Variants in LRRTM4 observed in about 807,000 individuals in gnomAD.
LRRTM4 encodes the protein leucine rich repeat transmembrane neuronal 4.
In LRRTM4, 25 loss-of-function variants were observed where a neutral mutation model predicts 47.6. That is an observed-to-expected ratio of 0.53 (90% CI 0.38 to 0.73). LRRTM4 has a LOEUF of 0.73. LRRTM4 is among the 30% of genes least tolerant of loss of function. The probability of loss-of-function intolerance (pLI) is 0.00; values close to 1 mark genes in which losing one functional copy is unlikely to be tolerated. For missense variants in LRRTM4, 638 were observed against 713.4 expected, an observed-to-expected ratio of 0.89 and a Z score of 1.20; for synonymous variants, 311 against 269.5, an observed-to-expected ratio of 1.15 and a Z score of -1.51.
chr2:76,966,041 A>G (rs1307691750), intron 3 of LRRTM4, among the ~76,000 whole-genome samples: 1 of 151,492 alleles, frequency 6.6e-6, no homozygotes, highest in Non-Finnish European at 1.5e-5. Flanking sequence ...AATCGTTCCT[A>G]TCATATGACA....
intron 3 of LRRTM4, among the ~76,000 whole-genome samples, chr2:76,892,435 C>A (rs1573266758): frequency 6.6e-6 from 1 of 151,660 alleles, no homozygotes; most frequent in East Asian, 1.9e-4. Context: ...GTTTTATATG[C>A]TTTCCATGTA....
chr2:77,051,910 C>T (rs896617902), intron 3 of LRRTM4, among the ~76,000 whole-genome samples: 1 of 152,134 alleles, frequency 6.6e-6, no homozygotes, highest in Non-Finnish European at 1.5e-5. Flanking sequence ...TACTATGCTA[C>T]TATCTTCAGA....
chr2:76,776,133 A>G (rs1673976314), intron 3 of LRRTM4, among the ~76,000 whole-genome samples: 2 of 152,192 alleles, frequency 1.3e-5, no homozygotes, highest in Admixed American at 1.3e-4. Flanking sequence ...TATATGTCCC[A>G]CATTTTCTTA....
intron 3 of LRRTM4, among the ~76,000 whole-genome samples, chr2:77,289,930 A>G (rs1240852624): frequency 1.3e-5 from 2 of 152,010 alleles, no homozygotes; most frequent in Non-Finnish European, 2.9e-5. Flanking sequence ...GGGAAAAATC[A>G]GGAAAAACAA....
intron 3 of LRRTM4, among the ~76,000 whole-genome samples, chr2:76,808,666 C>G (rs977904274): frequency 1.3e-5 from 2 of 152,152 alleles, no homozygotes; most frequent in African/African-American, 4.8e-5. Flanking sequence ...ATTCTGAAGT[C>G]CACTTCCAAA....
intron 3 of LRRTM4, among the ~76,000 whole-genome samples, chr2:77,238,662 C>T (rs1675176398): frequency 6.6e-6 from 1 of 151,842 alleles, no homozygotes; most frequent in African/African-American, 2.4e-5. Context: ...TATTCAAACT[C>T]CTTAAAACCA....
intron 3 of LRRTM4, among the ~76,000 whole-genome samples, chr2:76,860,884 G>A (rs1573223737): frequency 6.6e-6 from 1 of 150,924 alleles, no homozygotes; most frequent in African/African-American, 2.5e-5. Context: ...AAAATATATT[G>A]TAAAATTAAA....
chr2:77,321,283 A>T (rs1395310448), intron 3 of LRRTM4, among the ~76,000 whole-genome samples: 1 of 152,068 alleles, frequency 6.6e-6, no homozygotes, highest in African/African-American at 2.4e-5. Flanking sequence ...GGTGGATTTT[A>T]TTGGTAGAAT....
intron 3 of LRRTM4, among the ~76,000 whole-genome samples, chr2:77,169,462 A>G (rs772442068): frequency 9.9e-5 from 15 of 152,068 alleles, no homozygotes; most frequent in Admixed American, 3.3e-4. Context: ...TCCAAAATTT[A>G]TGTTGAAATT....
At chr2:77,141,917 A>C (rs1672134425) in intron 3 of LRRTM4, among the ~76,000 whole-genome samples, 1 of 152,182 alleles carries the variant, frequency 6.6e-6, no homozygotes, top group South Asian at 2.1e-4. Context: ...ATATGAGCCA[A>C]GGGCTTCAAC....
At chr2:76,795,325 C>A (rs1468564267) in intron 3 of LRRTM4, among the ~76,000 whole-genome samples, 1 of 150,090 alleles carries the variant, frequency 6.7e-6, no homozygotes, top group East Asian at 1.9e-4. Context: ...ATATGTAGTT[C>A]ATCTTTCATG....
chr2:77,147,494 C>G (rs1011871780), intron 3 of LRRTM4, among the ~76,000 whole-genome samples: 1 of 152,184 alleles, frequency 6.6e-6, no homozygotes, highest in South Asian at 2.1e-4. Context: ...ATTATGCCAT[C>G]ACGTTTCTGT....
chr2:77,471,948 T>A (rs1677204975), intron 3 of LRRTM4, among the ~76,000 whole-genome samples: 1 of 152,154 alleles, frequency 6.6e-6, no homozygotes, highest in South Asian at 2.1e-4. Context: ...CCAAATCTAA[T>A]CTTTGTGGTG....
At chr2:76,779,522 TC>T (rs1164158372) in intron 3 of LRRTM4, among the ~76,000 whole-genome samples, 1 of 142,908 alleles carries the variant, frequency 7.0e-6, no homozygotes, top group East Asian at 2.0e-4. Flanking sequence ...GTAATGGCCT[TC>T]ACTGTCTCTT....
chr2:76,816,471 C>T (rs1465322505), intron 3 of LRRTM4, among the ~76,000 whole-genome samples: 2 of 151,850 alleles, frequency 1.3e-5, no homozygotes, highest in South Asian at 2.1e-4. Flanking sequence ...TACAAGCAGT[C>T]CAGGAAAGCA....
chr2:77,518,230 C>T, intron 3 of LRRTM4, 88 bp downstream of exon 3: 1 of 1,407,858 alleles, frequency 7.1e-7, no homozygotes, highest in East Asian at 2.5e-5. Flanking sequence ...ATTAATCTTT[C>T]TAGTGATTAG....
At chr2:77,075,123 T>A (rs1680289304) in intron 3 of LRRTM4, among the ~76,000 whole-genome samples, 1 of 152,220 alleles carries the variant, frequency 6.6e-6, no homozygotes, top group South Asian at 2.1e-4. Flanking sequence ...ACATAGTAGA[T>A]AATATGTGAG....
Position 77,156,824 on chromosome 2 carries a change from C to T in LRRTM4, c.1551+361494G>A, listed in dbSNP as rs180775961. 1.1e-3 allele frequency among the ~76,000 whole-genome samples: 160 copies of T among 151,936 alleles called. 1 individual carries two copies. The highest frequency in any genetic ancestry group is 3.2e-3 in the African/African-American group (133 of 41,470). On this transcript the variant is annotated intron_variant, in intron 3 of 3. Transcript: ENST00000409884. The stretch of plus-strand genomic sequence containing the variant: ...CTAGCCCACGCAATTCTGCCACCTC[C>T]GCCTCCCAAAGTGATGGGACTATAG...
At chr2:77,277,412 TATAG>T (rs1197353879) in intron 3 of LRRTM4, among the ~76,000 whole-genome samples, 1 of 152,038 alleles carries the variant, frequency 6.6e-6, no homozygotes, top group Non-Finnish European at 1.5e-5. Flanking sequence ...AAATTTATAC[TATAG>T]AGTTATAAAA....
Sources: gnomAD v4.1 joint callset for allele counts (sites outside exome capture counted in the v4.1 genomes callset) on GRCh38, gnomAD v4.1.1 for gene constraint, MANE v1.5 for transcripts, NCBI Gene and HGNC (gene_info 2026-07-23, HGNC 2026-07-21) for gene names.